ITCH: variants seen among roughly 807,000 people sequenced by gnomAD.
ITCH encodes E3 ubiquitin-protein ligase Itchy homolog.
In ITCH, 28 loss-of-function variants were observed where a neutral mutation model predicts 126.8. That is an observed-to-expected ratio of 0.22 (90% CI 0.16 to 0.30). The LOEUF is 0.30. Ranked by LOEUF, ITCH falls within the 10% of genes least tolerant of loss-of-function variation. The pLI, the probability that ITCH is intolerant of heterozygous loss-of-function variation, is 1.00. For synonymous variants in ITCH, 342 were observed against 340.0 expected, an observed-to-expected ratio of 1.01 and a Z score of -0.06; for missense variants, 631 against 1,032.4, an observed-to-expected ratio of 0.61 and a Z score of 5.33.
intron 16 of ITCH, chr20:34,475,837 C>G: frequency 4.1e-6 from 3 of 738,710 alleles, no homozygotes; most frequent in Non-Finnish European, 7.1e-6. Flanking sequence ...AATACAGAAT[C>G]CACTCATCCA....
At chr20:34,483,719 C>A (rs536279260) in intron 20 of ITCH, among the ~76,000 whole-genome samples, 51 of 152,334 alleles carry the variant, frequency 3.3e-4, no homozygotes, top group African/African-American at 1.2e-3. Flanking sequence ...ACTGTTCCAA[C>A]GTCTGCCTGT....
chr20:34,459,011 T>C (rs1986272258), intron 13 of ITCH, among the ~76,000 whole-genome samples: 1 of 152,128 alleles, frequency 6.6e-6, no homozygotes, highest in Non-Finnish European at 1.5e-5. Flanking sequence ...GACTGTACAG[T>C]CGGAGGGCAC....
intron 2 of ITCH, 106 bp from the exon 3 acceptor site, chr20:34,393,685 G>T: frequency 1.3e-6 from 1 of 780,360 alleles, no homozygotes; most frequent in Non-Finnish European, 2.3e-6. Flanking sequence ...TAATGTAAAG[G>T]CCTTTGTTAC....
intron 6 of ITCH, among the ~76,000 whole-genome samples, chr20:34,415,010 C>T (rs1601844590): frequency 6.6e-6 from 1 of 152,178 alleles, no homozygotes; most frequent in Non-Finnish European, 1.5e-5. Context: ...TTTAATAGAA[C>T]TTTTTCCTAC....
intron 7 of ITCH, among the ~76,000 whole-genome samples, chr20:34,434,729 A>G (rs1349833612): frequency 6.6e-6 from 1 of 152,184 alleles, no homozygotes; most frequent in Non-Finnish European, 1.5e-5. Context: ...GGTATTAGCA[A>G]TTTGAGGAGA....
At chr20:34,408,608 T>C in intron 3 of ITCH, 43 bp from the exon 4 acceptor site, 1 of 1,527,262 alleles carries the variant, frequency 6.5e-7, no homozygotes, top group Non-Finnish European at 9.1e-7. Context: ...ATGAGTGAAT[T>C]AACATCTCAA....
chr20:34,398,161 C>T (rs536013698), intron 3 of ITCH, among the ~76,000 whole-genome samples: 1 of 152,066 alleles, frequency 6.6e-6, no homozygotes, highest in Non-Finnish European at 1.5e-5. Flanking sequence ...CTCCTGGGGT[C>T]AGGTGAGCCT....
At chr20:34,371,143 G>A (rs562502864) in intron 2 of ITCH, among the ~76,000 whole-genome samples, 72 of 147,800 alleles carry the variant, frequency 4.9e-4, no homozygotes, top group Middle Eastern at 3.4e-3. Flanking sequence ...ACTCCAGCCT[G>A]GGCAACAGAG....
At chr20:34,447,482 C>T (rs1191481357) in intron 11 of ITCH, among the ~76,000 whole-genome samples, 10 of 152,130 alleles carry the variant, frequency 6.6e-5, no homozygotes, top group Non-Finnish European at 1.3e-4. Context: ...TACTAGCATA[C>T]AGAAACTGTC....
chr20:34,406,419 T>C (rs1396614127), intron 3 of ITCH, among the ~76,000 whole-genome samples: 1 of 152,118 alleles, frequency 6.6e-6, no homozygotes, highest in Non-Finnish European at 1.5e-5. Context: ...AAAAGGCACA[T>C]AAGCCTAAAA....
chr20:34,366,445 TA>T (rs1480131788), intron 1 of ITCH, among the ~76,000 whole-genome samples: 1 of 152,124 alleles, frequency 6.6e-6, no homozygotes, highest in Non-Finnish European at 1.5e-5. Flanking sequence ...AGTCTGGTCT[TA>T]ACTCCTGTGT....
chr20:34,404,210 T>C (rs1220582622), intron 3 of ITCH, among the ~76,000 whole-genome samples: 1 of 151,988 alleles, frequency 6.6e-6, no homozygotes, highest in African/African-American at 2.4e-5. Flanking sequence ...TAATGTATAG[T>C]TTTTTATTTT....
chr20:34,478,418 T>G (rs909306003), intron 17 of ITCH, among the ~76,000 whole-genome samples: 6 of 152,212 alleles, frequency 3.9e-5, no homozygotes, highest in African/African-American at 1.4e-4. Flanking sequence ...AGCTTAATAT[T>G]GGACCCTAGA....
intron 23 of ITCH, among the ~76,000 whole-genome samples, chr20:34,500,375 C>G (rs999052975): frequency 9.2e-5 from 14 of 151,716 alleles, no homozygotes; most frequent in Middle Eastern, 3.4e-3. Context: ...GCATATATAA[C>G]TCTCATATCC....
chr20:34,506,199 G>T (rs963411120), intron 24 of ITCH, among the ~76,000 whole-genome samples: 2 of 152,086 alleles, frequency 1.3e-5, no homozygotes, highest in Non-Finnish European at 2.9e-5. Context: ...AAGTAGCTGG[G>T]ACGACAGGCA....
In ITCH at chr20:34,470,043, C is replaced by T; in HGVS notation, c.1425-5C>T. 1 of 1,612,402 alleles carries T rather than the reference C, an allele frequency of 6.2e-7. No homozygotes were observed. The highest frequency in any genetic ancestry group is 1.3e-5 in the African/African-American group (1 of 74,990). ...TATGTCCTGTTAACCCTTGTTCTTC[C>T]TCAGAGACAATGGACCTCAGATAGC... On this transcript the variant is annotated splice_polypyrimidine_tract_variant and splice_region_variant and intron_variant, in intron 14 of 24. Transcript: ENST00000374864.
chr20:34,390,577 G>C (rs1372401457), intron 2 of ITCH, among the ~76,000 whole-genome samples: 1 of 147,522 alleles, frequency 6.8e-6, no homozygotes, highest in Non-Finnish European at 1.5e-5. Context: ...AGCCTCCCAA[G>C]TAGCTGGGAT....
chr20:34,397,671 A>G (rs943571002), intron 3 of ITCH, among the ~76,000 whole-genome samples: 22 of 152,168 alleles, frequency 1.4e-4, no homozygotes, highest in African/African-American at 5.1e-4. Flanking sequence ...TTTCCTTAGC[A>G]GTATCTGTTT....
chr20:34,379,140 T>TTTAG (rs2146011614), intron 2 of ITCH, among the ~76,000 whole-genome samples: 1 of 152,304 alleles, frequency 6.6e-6, no homozygotes, highest in East Asian at 1.9e-4. Context: ...CTCCCTTTGT[T>TTTAG]TTAGCCCTTG....
Sources: allele counts gnomAD v4.1 joint callset (sites outside exome capture counted in the v4.1 genomes callset), GRCh38; gene constraint gnomAD v4.1.1; transcripts MANE v1.5; gene names NCBI Gene and HGNC (gene_info 2026-07-23, HGNC 2026-07-21).